The following FABP3 variants were observed in gnomAD, a reference collection of about 807,000 sequenced individuals.
FABP3 encodes the protein fatty acid binding protein 3.
Under a neutral mutation model 13.4 loss-of-function variants are expected in FABP3, and 8 were observed. That is an observed-to-expected ratio of 0.60 (90% CI 0.35 to 1.07). The LOEUF (loss-of-function observed/expected upper bound fraction) is 1.07, where lower values mean the gene tolerates loss of function less well. Ranked by LOEUF, FABP3 falls within the 50% of genes least tolerant of loss-of-function variation. FABP3 has a pLI of 0.02. For synonymous variants in FABP3, 64 were observed against 60.0 expected, an observed-to-expected ratio of 1.07 and a Z score of -0.31; for missense variants, 135 against 164.7, an observed-to-expected ratio of 0.82 and a Z score of 0.99.
downstream of FABP3, chr1:31,364,009 G>A: frequency 1.2e-6 from 2 of 1,607,236 alleles, no homozygotes; most frequent in African/African-American, 2.7e-5. Context: ...ATACAGTGTT[G>A]ATTTTTAAAA....
At position 31,367,463 on chromosome 1, in the gene FABP3, A is replaced by G. The variant is rs113860546; in HGVS notation, c.278T>C (p.Val93Ala). 1.2e-6 allele frequency: 2 copies of G among 1,614,076 alleles called. No individual in the cohort carries two copies. The highest frequency in any genetic ancestry group is 1.7e-6 in the Non-Finnish European group (2 of 1,180,018). Reference protein sequence around the residue: ...SIVTLDGGKLVHLQKWDGQET... With the variant: ...SIVTLDGGKLAHLQKWDGQET... Reference sequence around the variant, plus strand: ...TTGCCCGTCCCATTTCTGCAGGTGAACAAGTTTCCCTCCATCCAGTGTCAC... The same window carrying G: ...TTGCCCGTCCCATTTCTGCAGGTGAGCAAGTTTCCCTCCATCCAGTGTCAC... Residue 93 changes from valine to alanine, a missense_variant, in exon 3 of 4, where the codon GTT becomes GCT. Physicochemically the swap from Val to Ala is moderately conservative, Grantham distance 64. Coordinates refer to ENST00000373713, the MANE Select transcript of FABP3 (RefSeq NM_004102.5).
chr1:31,363,434 C>G (rs552435233), downstream of FABP3, among the ~76,000 whole-genome samples: 1 of 152,172 alleles, frequency 6.6e-6, no homozygotes, highest in Non-Finnish European at 1.5e-5. Flanking sequence ...CCACCTGCCT[C>G]GGCCTCCCAA....
In FABP3 at chr1:31,370,401, CAT is replaced by C. The variant is rs1640187035; in HGVS notation, c.74-846_74-845del. Reference sequence around the variant, plus strand: ...AATAAGGCTGAGGAAAGAAGAGAAACATAGACTTTCCCTTCCAAAGCCTTAGG... The same window carrying C: ...AATAAGGCTGAGGAAAGAAGAGAAACAGACTTTCCCTTCCAAAGCCTTAGG... On this transcript the variant is annotated intron_variant, in intron 1 of 3. Transcript: ENST00000373713. Among the ~76,000 whole-genome samples the C allele has an allele frequency of 4.6e-5, 7 of 152,298 alleles. No individual in the cohort carries two copies. The South Asian group carries it at 1.5e-3, about 32-fold the overall frequency.
rs369006737 is a variant in FABP3, at chr1:31,369,417, C to T, written c.214G>A (p.Asp72Asn). Reference protein sequence around the residue: ...EISFKLGVEFDETTADDRKVK... With the variant: ...EISFKLGVEFNETTADDRKVK... ...TTCCTGTCATCTGCTGTTGTCTCAT[C>T]GAACTCCACCCCCAACTTAAAGCTG... Residue 72 changes from aspartate (D) to asparagine (N), a missense_variant, in exon 2 of 4, where the codon GAT (aspartate) becomes AAT (asparagine). Physicochemically the swap from Asp to Asn is conservative, Grantham distance 23. Transcript: ENST00000373713. 8.1e-6 allele frequency: 13 copies of T among 1,614,018 alleles called. No homozygotes were observed. The African/African-American group carries it at 9.3e-5, about 12-fold the overall frequency.
At position 31,373,034 on chromosome 1, in the gene FABP3, G is replaced by A. The variant is rs1264454441; in HGVS notation, c.-20C>T. ...CACCATAGTGATGCTGGGCTAGGCT[G>A]AGAGAAGCTACAAGAGAGCAGGCGT... On this transcript the variant is annotated 5_prime_UTR_variant, in exon 1 of 4. Coordinates refer to ENST00000373713, the MANE Select transcript of FABP3 (RefSeq NM_004102.5). 1.2e-6 allele frequency: 2 copies of A among 1,613,260 alleles called. No individual in the cohort carries two copies. The highest frequency in any genetic ancestry group is 1.7e-6 in the Non-Finnish European group (2 of 1,179,576).
chr1:31,368,530 A>G (rs1246022321), intron 2 of FABP3, among the ~76,000 whole-genome samples: 2 of 152,180 alleles, frequency 1.3e-5, no homozygotes, highest in Admixed American at 6.5e-5. Flanking sequence ...GCTGCCAGCC[A>G]CCTGTGTGAT....
downstream of FABP3, among the ~76,000 whole-genome samples, chr1:31,362,709 A>C (rs964561877): frequency 6.6e-6 from 1 of 152,234 alleles, no homozygotes; most frequent in South Asian, 2.1e-4. Flanking sequence ...CCAGAATAGC[A>C]GTCAGGAGTT....
chr1:31,370,629 G>A (rs766991995), intron 1 of FABP3, among the ~76,000 whole-genome samples: 4 of 152,114 alleles, frequency 2.6e-5, no homozygotes, highest in Non-Finnish European at 5.9e-5. Context: ...ACTCAAACCC[G>A]TCTCCTGACT....
At chr1:31,359,619 T>A in the FABP3 span, among the ~76,000 whole-genome samples, 1 of 152,198 alleles carries the variant, frequency 6.6e-6, no homozygotes, top group Non-Finnish European at 1.5e-5. Flanking sequence ...TATTTTTGTT[T>A]TTCTGTCACA....
At position 31,369,245 on chromosome 1, in the gene FABP3, G is replaced by C. The variant is rs370220284; in HGVS notation, c.246+140C>G. On this transcript the variant is annotated intron_variant, in intron 2 of 3. Transcript: ENST00000373713. ...TCAGTGGCATTCCAGCACTACACAGGCTTTATGAATCTTGTTTCATTTAAA... is the reference window on the plus strand; with the variant it reads ...TCAGTGGCATTCCAGCACTACACAGCCTTTATGAATCTTGTTTCATTTAAA... 2.9e-5 allele frequency: 26 copies of C among 903,252 alleles called. No individual in the cohort carries two copies. The African/African-American group carries it at 3.5e-4, about 12-fold the overall frequency. The allele number at this position is 903,252 out of a possible 1,614,324, so 56.0% of individuals were successfully genotyped here. A position where few individuals can be genotyped will look rare whatever the true frequency, so the allele number is the denominator to read the frequency against.
chr1:31,361,100 A>G (rs780309867), downstream of FABP3, among the ~76,000 whole-genome samples: 6 of 152,176 alleles, frequency 3.9e-5, no homozygotes, highest in Admixed American at 3.3e-4. Context: ...ATGGACTTCC[A>G]TGGTCTTGCC....
At chr1:31,361,631 A>C (rs984689071), downstream of FABP3, among the ~76,000 whole-genome samples, 2 of 152,178 alleles carry the variant, frequency 1.3e-5, no homozygotes, top group Non-Finnish European at 2.9e-5. Context: ...CATGTGCTAC[A>C]TAGGAAAACT....
intron 1 of FABP3, among the ~76,000 whole-genome samples, chr1:31,371,509 C>T (rs887395957): frequency 1.3e-5 from 2 of 152,172 alleles, no homozygotes. Flanking sequence ...AGGGTATTTT[C>T]CCAGGCTTTC....
chr1:31,367,620 G>C lies in FABP3; in HGVS notation c.247-126C>G, dbSNP rs114329839. The C allele has an allele frequency of 5.2e-3, 4,058 of 775,858 alleles. 17 individuals are homozygous for C. Among genetic ancestry groups the C allele is most frequent in the Non-Finnish European group, 7.7e-3 (3,415 of 442,986 alleles). 48.1% of individuals were successfully genotyped at this position (775,858 alleles called of 1,614,324 possible). ...CAAACTAGTGATGGTGTGAGGACAA[G>C]AGCTCAGGCAATCCGCCTCCCAGCT... is the stretch of plus-strand genomic sequence containing the variant. On this transcript the variant is annotated intron_variant, in intron 2 of 3. Transcript: ENST00000373713.
In FABP3 at chr1:31,369,429, C is replaced by T. The variant is rs762294497; in HGVS notation, c.202G>A (p.Gly68Arg). ...GCTGTTGTCTCATCGAACTCCACCC[C>T]CAACTTAAAGCTGATCTCTGTGTTC... ...FKNTEISFKL[G>R]VEFDETTADD... Residue 68 changes from glycine to arginine, a missense_variant, in exon 2 of 4, where the codon GGG becomes AGG. Coordinates refer to ENST00000373713, the MANE Select transcript of FABP3 (RefSeq NM_004102.5). 1.2e-6 allele frequency: 2 copies of T among 1,614,154 alleles called. No homozygotes were observed. Among genetic ancestry groups the T allele is most frequent in the Non-Finnish European group, 8.5e-7 (1 of 1,180,036 alleles).
the FABP3 span, among the ~76,000 whole-genome samples, chr1:31,359,641 C>G: frequency 6.6e-6 from 1 of 152,152 alleles, no homozygotes; most frequent in East Asian, 1.9e-4. Flanking sequence ...TGGGCTGCTG[C>G]TATCCTGTTT....
At chr1:31,359,916 C>T in the FABP3 span, among the ~76,000 whole-genome samples, 1 of 152,224 alleles carries the variant, frequency 6.6e-6, no homozygotes, top group East Asian at 1.9e-4. Flanking sequence ...AGAGCAGAAG[C>T]TTGGTTCATC....
rs771606487 is a variant in FABP3, at chr1:31,369,407, G to A, written c.224C>T (p.Thr75Ile). The A allele has an allele frequency of 9.9e-6, 16 of 1,614,006 alleles. No homozygotes were observed. The highest frequency in any genetic ancestry group is 1.6e-4 in the Middle Eastern group (1 of 6,082). ...TACCTTGACCTTCCTGTCATCTGCT[G>A]TTGTCTCATCGAACTCCACCCCCAA... Reference protein sequence around the residue: ...FKLGVEFDETTADDRKVKSIV... With the variant: ...FKLGVEFDETIADDRKVKSIV... The change falls in exon 2 of 4, where the codon ACA (threonine) becomes ATA (isoleucine). Residue 75 changes from threonine to isoleucine, a missense_variant. Transcript: ENST00000373713.
chr1:31,362,935 A>G (rs1479824214), downstream of FABP3, among the ~76,000 whole-genome samples: 1 of 152,234 alleles, frequency 6.6e-6, no homozygotes, highest in Non-Finnish European at 1.5e-5. Flanking sequence ...TTCATTCCCA[A>G]TGTGTAACAC....
Sources: allele counts gnomAD v4.1 joint callset (sites outside exome capture counted in the v4.1 genomes callset), GRCh38; gene constraint gnomAD v4.1.1; transcripts MANE v1.5; gene names NCBI Gene and HGNC (gene_info 2026-07-23, HGNC 2026-07-21).